IGF1: variants seen among roughly 807,000 people sequenced by gnomAD.
The protein encoded by IGF1 is insulin like growth factor 1, also known as insulin-like growth factor 1.
In IGF1, 4 loss-of-function variants were observed where a neutral mutation model predicts 13.8. The ratio of observed to expected loss-of-function variants is 0.29; its 90% CI spans 0.14 to 0.66. IGF1 has a LOEUF of 0.66. Among genes scored for constraint, IGF1 ranks in the 30% least tolerant of loss-of-function variants. IGF1 has a pLI of 0.78. For synonymous variants in IGF1, 76 were observed against 72.6 expected (o/e 1.05, Z -0.23); for missense variants, 124 against 188.5 (o/e 0.66, Z 2.00).
chr12:102,452,019 T>G (rs1878983636), intron 2 of IGF1, among the ~76,000 whole-genome samples: 2 of 151,928 alleles, frequency 1.3e-5, no homozygotes, highest in African/African-American at 2.4e-5. Flanking sequence ...TCCCAGCACT[T>G]TGGGAGGCCG....
chr12:102,462,476 C>A (rs1357014431), intron 2 of IGF1, among the ~76,000 whole-genome samples: 1 of 152,138 alleles, frequency 6.6e-6, no homozygotes, highest in African/African-American at 2.4e-5. Context: ...CATCATGATG[C>A]TTTTGTGCAA....
In IGF1 at chr12:102,428,236, G is replaced by GTATATATATATATATATA. The variant is rs56947594; in HGVS notation, c.221-8547_221-8546insTATATATATATATATATA. On this transcript the variant is annotated intron_variant, in intron 2 of 3. Transcript: ENST00000337514. ...CGACCCACTTTGTAATCAATAATGT[G>GTATATATATATATATATA]TATATATATATATGGCATATTAATG... Among the ~76,000 whole-genome samples, 185 of 69,562 alleles carry GTATATATATATATATATA rather than the reference G, an allele frequency of 2.7e-3. 28 individuals are homozygous for GTATATATATATATATATA. Among genetic ancestry groups the GTATATATATATATATATA allele is most frequent in the South Asian group, 8.0e-3 (15 of 1,868 alleles). The allele number at this position is 69,562 out of a possible 152,430, so 45.6% of individuals were successfully genotyped here.
chr12:102,422,394 T>A (rs967235672), intron 2 of IGF1, among the ~76,000 whole-genome samples: 1 of 152,208 alleles, frequency 6.6e-6, no homozygotes. Context: ...TATATGAATA[T>A]AACAAGTGTT....
Position 102,474,641 on chromosome 12 carries a change from G to C in IGF1, c.220+1002C>G, listed in dbSNP as rs1022386605. Among the ~76,000 whole-genome samples the C allele has an allele frequency of 4.6e-5, 7 of 152,302 alleles. No homozygotes were observed. The East Asian group carries it at 1.2e-3, about 25-fold the overall frequency. Reference sequence around the variant, plus strand: ...ATTCAAAGCATAGTGGGTAACTGAGGTAAGCTGTCTACACTGGAGTGATAT... The same window carrying C: ...ATTCAAAGCATAGTGGGTAACTGAGCTAAGCTGTCTACACTGGAGTGATAT... On this transcript the variant is annotated intron_variant, in intron 2 of 3. Coordinates refer to ENST00000337514, the MANE Select transcript of IGF1 (RefSeq NM_000618.5).
intron 2 of IGF1, among the ~76,000 whole-genome samples, chr12:102,438,170 C>T (rs1359362908): frequency 6.6e-6 from 1 of 152,222 alleles, no homozygotes; most frequent in Non-Finnish European, 1.5e-5. Flanking sequence ...ATAGTTCACA[C>T]GTGACCAGGG....
At chr12:102,436,564 C>T (rs1877237604) in intron 2 of IGF1, among the ~76,000 whole-genome samples, 1 of 152,078 alleles carries the variant, frequency 6.6e-6, no homozygotes, top group African/African-American at 2.4e-5. Flanking sequence ...CCTTCAGTAC[C>T]ACATCATCAA....
At chr12:102,434,060 T>C (rs1327681494) in intron 2 of IGF1, among the ~76,000 whole-genome samples, 1 of 152,158 alleles carries the variant, frequency 6.6e-6, no homozygotes, top group African/African-American at 2.4e-5. Context: ...GCTAAACCAT[T>C]TCTTTTTTTA....
chr12:102,428,469 T>G (rs1175405185), intron 2 of IGF1, among the ~76,000 whole-genome samples: 1 of 151,816 alleles, frequency 6.6e-6, no homozygotes, highest in Admixed American at 6.6e-5. Context: ...CCCATCCATA[T>G]GGATTGCAGA....
intron 1 of IGF1, chr12:102,478,737 C>G (rs554621047): frequency 5.7e-6 from 6 of 1,049,702 alleles, no homozygotes; most frequent in South Asian, 5.4e-5. Flanking sequence ...CTTTTCCCCC[C>G]AGTCAAGCCA....
intron 3 of IGF1, among the ~76,000 whole-genome samples, chr12:102,408,744 G>A (rs1339765860): frequency 1.3e-5 from 2 of 152,074 alleles, no homozygotes; most frequent in African/African-American, 4.8e-5. Flanking sequence ...GAAATTTGTT[G>A]GGCAACTGTA....
intron 3 of IGF1, among the ~76,000 whole-genome samples, chr12:102,412,551 C>A (rs998196455): frequency 6.6e-6 from 1 of 152,150 alleles, no homozygotes; most frequent in South Asian, 2.1e-4. Context: ...TTATTTCTAA[C>A]CATCATACTT....
chr12:102,438,295 A>G (rs1348938696), intron 2 of IGF1, among the ~76,000 whole-genome samples: 8 of 152,178 alleles, frequency 5.3e-5, no homozygotes, highest in Non-Finnish European at 2.9e-5. Context: ...GCTGCTGGTG[A>G]TTTGGAATCA....
chr12:102,475,156 A>G (rs951563782), intron 2 of IGF1, among the ~76,000 whole-genome samples: 2 of 152,184 alleles, frequency 1.3e-5, no homozygotes, highest in African/African-American at 4.8e-5. Flanking sequence ...TGGTGATTTC[A>G]TATTGAATGG....
intron 2 of IGF1, among the ~76,000 whole-genome samples, chr12:102,446,480 A>C (rs1032853490): frequency 5.3e-5 from 8 of 151,920 alleles, no homozygotes; most frequent in African/African-American, 1.9e-4. Context: ...CAATTTATCC[A>C]TTTCTTCTAG....
chr12:102,416,741 C>A (rs1454311070), intron 3 of IGF1, among the ~76,000 whole-genome samples: 1 of 152,090 alleles, frequency 6.6e-6, no homozygotes, highest in African/African-American at 2.4e-5. Context: ...GAGCTGTAAT[C>A]AAAATGCAGT....
chr12:102,452,154 C>T (rs963437676), intron 2 of IGF1, among the ~76,000 whole-genome samples: 3 of 141,706 alleles, frequency 2.1e-5, no homozygotes, highest in South Asian at 4.6e-4. Flanking sequence ...CCCAGCTACT[C>T]GGGAGGCTGA....
intron 2 of IGF1, among the ~76,000 whole-genome samples, chr12:102,470,851 A>G (rs1244733643): frequency 6.6e-6 from 1 of 152,194 alleles, no homozygotes; most frequent in Non-Finnish European, 1.5e-5. Context: ...AGGTTTAGAA[A>G]CCTGTAGATT....
intron 2 of IGF1, among the ~76,000 whole-genome samples, chr12:102,466,342 A>T (rs1880310471): frequency 1.3e-5 from 2 of 152,114 alleles, no homozygotes; most frequent in South Asian, 4.1e-4. Flanking sequence ...TAGTCTAGGA[A>T]TCTCGACTCG....
At chr12:102,468,917 G>A (rs533782651) in intron 2 of IGF1, among the ~76,000 whole-genome samples, 1 of 152,334 alleles carries the variant, frequency 6.6e-6, no homozygotes, top group Non-Finnish European at 1.5e-5. Context: ...AAACCAGAAG[G>A]AAGGCTGCTG....
Sources: gnomAD v4.1 joint callset for allele counts (sites outside exome capture counted in the v4.1 genomes callset) on GRCh38, gnomAD v4.1.1 for gene constraint, MANE v1.5 for transcripts, NCBI Gene and HGNC (gene_info 2026-07-23, HGNC 2026-07-21) for gene names.